Variants in BMPR1A observed in about 807,000 individuals in gnomAD.
The protein encoded by BMPR1A is bone morphogenetic protein receptor type 1A.
A neutral mutation model predicts 66.0 loss-of-function variants in BMPR1A; 7 were observed. The ratio of observed to expected loss-of-function variants is 0.11; its 90% CI spans 0.06 to 0.20. The LOEUF (loss-of-function observed/expected upper bound fraction) is 0.20, where lower values mean the gene tolerates loss of function less well. Among genes scored for constraint, BMPR1A ranks in the 10% least tolerant of loss-of-function variants. The probability of loss-of-function intolerance (pLI) is 1.00; values close to 1 mark genes in which losing one functional copy is unlikely to be tolerated. For synonymous variants in BMPR1A, 200 were observed against 229.7 expected (o/e 0.87, Z 1.17); for missense variants, 408 against 669.1 (o/e 0.61, Z 4.31).
intron 8 of BMPR1A, among the ~76,000 whole-genome samples, chr10:86,916,711 G>A (rs992325958): frequency 1.7e-4 from 26 of 152,112 alleles, no homozygotes; most frequent in Admixed American, 4.6e-4. Flanking sequence ...CATTATGGCC[G>A]GGCATGGTGG....
At chr10:86,772,110 C>A (rs527391539) in intron 1 of BMPR1A, among the ~76,000 whole-genome samples, 1 of 141,936 alleles carries the variant, frequency 7.0e-6, no homozygotes, top group African/African-American at 2.7e-5. Context: ...GTTTAATTGG[C>A]GATGGTCAGA....
At chr10:86,805,356 CTG>C (rs1841873939) in intron 1 of BMPR1A, among the ~76,000 whole-genome samples, 1 of 144,620 alleles carries the variant, frequency 6.9e-6, no homozygotes, top group Non-Finnish European at 1.5e-5. Flanking sequence ...TTCTCTGTTT[CTG>C]TCTCTTCACT....
In BMPR1A at chr10:86,849,019, A is replaced by G. The variant is rs184577906; in HGVS notation, c.-153+10040A>G. ...TACCTCACCCTGTCCCTTTCATCCC[A>G]TGTAATGCTTCAAGAGTGATTTTTC... On this transcript the variant is annotated intron_variant, in intron 2 of 12. Transcript: ENST00000372037. Among the ~76,000 whole-genome samples, 426 of 152,262 alleles carry G rather than the reference A, an allele frequency of 2.8e-3. 1 individual carries two copies. Among genetic ancestry groups the G allele is most frequent in the South Asian group, 0.013 (62 of 4,830 alleles).
intron 1 of BMPR1A, among the ~76,000 whole-genome samples, chr10:86,786,670 C>A (rs1309603659): frequency 6.6e-6 from 1 of 152,156 alleles, no homozygotes; most frequent in Non-Finnish European, 1.5e-5. Context: ...GCTTTGAAAC[C>A]CTCTTTGTTT....
rs2883278 is a variant in BMPR1A, at chr10:86,763,136, C to T, written c.-268+6217C>T. 0.27 allele frequency among the ~76,000 whole-genome samples: 40,428 copies of T among 151,918 alleles called. 6,798 individuals are homozygous for T. The highest frequency in any genetic ancestry group is 0.69 in the East Asian group (3,580 of 5,152). ...ATCTCGAACTCCTGACCTCGTGATC[C>T]GCCCACCTCGGCCTCCCAAAGTGCT... is the stretch of plus-strand genomic sequence containing the variant. On this transcript the variant is annotated intron_variant, in intron 1 of 12. Transcript: ENST00000372037.
At chr10:86,851,223 G>A (rs1452119312) in intron 2 of BMPR1A, among the ~76,000 whole-genome samples, 1 of 152,188 alleles carries the variant, frequency 6.6e-6, no homozygotes, top group Non-Finnish European at 1.5e-5. Context: ...TATATTTTTA[G>A]ATGCCATTAT....
At chr10:86,765,137 A>G (rs1004876297) in intron 1 of BMPR1A, among the ~76,000 whole-genome samples, 1 of 152,202 alleles carries the variant, frequency 6.6e-6, no homozygotes, top group African/African-American at 2.4e-5. Flanking sequence ...ATTGGACAGT[A>G]CTGCCTTTGA....
intron 1 of BMPR1A, among the ~76,000 whole-genome samples, chr10:86,800,933 T>G (rs1841803378): frequency 6.6e-6 from 1 of 152,204 alleles, no homozygotes; most frequent in Admixed American, 6.5e-5. Context: ...AAAATAATCT[T>G]CACGTACTTA....
At chr10:86,905,513 G>T (rs1336846315) in intron 7 of BMPR1A, among the ~76,000 whole-genome samples, 2 of 152,132 alleles carry the variant, frequency 1.3e-5, no homozygotes, top group African/African-American at 4.8e-5. Flanking sequence ...TGATCAACTG[G>T]CTGGCTGTTT....
intron 1 of BMPR1A, among the ~76,000 whole-genome samples, chr10:86,820,115 C>T (rs1842099418): frequency 6.6e-6 from 1 of 152,148 alleles, no homozygotes; most frequent in Admixed American, 6.5e-5. Context: ...GATCATAGCT[C>T]GTCTGCAGCC....
At chr10:86,921,949 A>G (rs1271510844) in intron 11 of BMPR1A, among the ~76,000 whole-genome samples, 1 of 152,188 alleles carries the variant, frequency 6.6e-6, no homozygotes, top group Non-Finnish European at 1.5e-5. Context: ...TTTTAAGTGT[A>G]CAATTAAATT....
At chr10:86,807,694 T>C (rs1431596405) in intron 1 of BMPR1A, among the ~76,000 whole-genome samples, 1 of 152,242 alleles carries the variant, frequency 6.6e-6, no homozygotes, top group Non-Finnish European at 1.5e-5. Flanking sequence ...CCATCTTTCT[T>C]ATGTATTCCG....
chr10:86,852,404 CA>C (rs150395749), intron 2 of BMPR1A, among the ~76,000 whole-genome samples: 3 of 150,274 alleles, frequency 2.0e-5, no homozygotes, highest in Admixed American at 6.6e-5. Context: ...CCTGCGTCTA[CA>C]AAAAAAAATA....
At chr10:86,844,030 C>T (rs1842454588) in intron 2 of BMPR1A, among the ~76,000 whole-genome samples, 1 of 152,126 alleles carries the variant, frequency 6.6e-6, no homozygotes, top group South Asian at 2.1e-4. Context: ...AATTTTGAGC[C>T]TGGATGGTGG....
chr10:86,766,825 G>GTT (rs1163287108), intron 1 of BMPR1A, among the ~76,000 whole-genome samples: 12 of 134,100 alleles, frequency 8.9e-5, no homozygotes, highest in Non-Finnish European at 9.7e-5. Context: ...AGCCAGGATG[G>GTT]TTTTTTTTTT....
At position 86,923,434 on chromosome 10, in the gene BMPR1A, C is replaced by T. The variant is rs149787558; in HGVS notation, c.1401C>T (p.Tyr467=). The change falls in exon 12 of 13, where the codon TAC becomes TAT. Residue 467 remains tyrosine (Y), a synonymous_variant. Transcript: ENST00000372037. The stretch of plus-strand genomic sequence containing the variant: ...ACATGGTACCGAGTGATCCGTCATA[C>T]GAAGATATGCGTGAGGTTGTGTGTG... ...YYNMVPSDPS[Y]EDMREVVCVK... 33 of 1,614,142 alleles carry T rather than the reference C, an allele frequency of 2.0e-5. No homozygotes were observed. Among genetic ancestry groups the T allele is most frequent in the East Asian group, 1.6e-4 (7 of 44,886 alleles).
At chr10:86,880,440 C>T (rs1214517768) in intron 3 of BMPR1A, among the ~76,000 whole-genome samples, 1 of 152,154 alleles carries the variant, frequency 6.6e-6, no homozygotes, top group Admixed American at 6.5e-5. Flanking sequence ...AGTATTTATT[C>T]ATCTTTATTG....
intron 1 of BMPR1A, among the ~76,000 whole-genome samples, chr10:86,818,598 G>A (rs1842070493): frequency 6.6e-6 from 1 of 152,172 alleles, no homozygotes; most frequent in Non-Finnish European, 1.5e-5. Context: ...TTCCTATAGG[G>A]AGGGCAGTAG....
chr10:86,875,794 T>C (rs1376120787), intron 2 of BMPR1A, 73 bp from the exon 3 acceptor site: 1 of 587,956 alleles, frequency 1.7e-6, no homozygotes, highest in East Asian at 2.8e-5. Flanking sequence ...GGGCATTTGT[T>C]TCCCTTTTAG....
Sources: allele counts gnomAD v4.1 joint callset (sites outside exome capture counted in the v4.1 genomes callset), GRCh38; gene constraint gnomAD v4.1.1; transcripts MANE v1.5; gene names NCBI Gene and HGNC (gene_info 2026-07-23, HGNC 2026-07-21).